Variants in RAB2A observed in about 807,000 individuals in gnomAD.
RAB2A encodes the protein RAB2A, member RAS oncogene family, also known as ras-related protein Rab-2A.
In RAB2A, 7 loss-of-function variants were observed where a neutral mutation model predicts 32.5. That is an observed-to-expected ratio of 0.22 (90% CI 0.12 to 0.40). RAB2A has a LOEUF of 0.40. RAB2A is among the 10% of genes least tolerant of loss of function. The pLI, the probability that RAB2A is intolerant of heterozygous loss-of-function variation, is 1.00. For synonymous variants in RAB2A, 79 were observed against 85.2 expected (o/e 0.93, Z 0.40); for missense variants, 108 against 260.7 (o/e 0.41, Z 4.03).
At chr8:60,593,515 C>G (rs527675566) in intron 6 of RAB2A, among the ~76,000 whole-genome samples, 5 of 152,228 alleles carry the variant, frequency 3.3e-5, no homozygotes, top group African/African-American at 1.2e-4. Flanking sequence ...AGCCAAACAT[C>G]ACAGAAAAAA....
chr8:60,609,661 G>A (rs772801672), intron 6 of RAB2A, among the ~76,000 whole-genome samples: 28 of 152,012 alleles, frequency 1.8e-4, no homozygotes, highest in Non-Finnish European at 4.0e-4. Flanking sequence ...TTTAAAACAT[G>A]AGATTTTAGA....
rs578125066 is a variant in RAB2A, at chr8:60,619,031, A to G, written c.543+383A>G. 4.6e-5 allele frequency: 7 copies of G among 152,378 alleles called. No individual in the cohort carries two copies. The East Asian group carries it at 9.6e-4, about 21-fold the overall frequency. The allele number at this position is 152,378 out of a possible 1,614,324, so 9.4% of individuals were successfully genotyped here. On this transcript the variant is annotated intron_variant, in intron 7 of 7. Coordinates refer to ENST00000262646, the MANE Select transcript of RAB2A (RefSeq NM_002865.3). ...GTTCTGGTATATAAATGCATGTACTATGTACTAATGCAAGATGCTCTCTCT... is the reference window on the plus strand; with the variant it reads ...GTTCTGGTATATAAATGCATGTACTGTGTACTAATGCAAGATGCTCTCTCT...
In RAB2A at chr8:60,597,402, A is replaced by G. The variant is rs572875160; in HGVS notation, c.474+5433A>G. Among the ~76,000 whole-genome samples, 246 of 152,252 alleles carry G rather than the reference A, an allele frequency of 1.6e-3. 7 individuals carry two copies. The highest frequency in any genetic ancestry group is 1.6e-3 in the Non-Finnish European group (110 of 68,010). ...AGTGGGAGTTGAATAATGAGAACAC[A>G]TGGACACAGGGCGGGTAACATCACA... On this transcript the variant is annotated intron_variant, in intron 6 of 7. Coordinates refer to ENST00000262646, the MANE Select transcript of RAB2A (RefSeq NM_002865.3).
intron 6 of RAB2A, among the ~76,000 whole-genome samples, chr8:60,593,582 C>T (rs961822252): frequency 6.6e-6 from 1 of 152,146 alleles, no homozygotes; most frequent in Non-Finnish European, 1.5e-5. Flanking sequence ...CTACCACCAC[C>T]ATTTCCCTTG....
chr8:60,584,535 G>A (rs563096269), intron 4 of RAB2A, among the ~76,000 whole-genome samples, 188 bp from the exon 5 acceptor site: 3 of 152,294 alleles, frequency 2.0e-5, no homozygotes, highest in Admixed American at 1.3e-4. Context: ...TCTAAAGTGT[G>A]ATTACATTTA....
intron 6 of RAB2A, among the ~76,000 whole-genome samples, chr8:60,610,156 A>G (rs1303789980): frequency 6.6e-6 from 1 of 152,020 alleles, no homozygotes; most frequent in South Asian, 2.1e-4. Flanking sequence ...TGAAGTATTT[A>G]TGCTACTGAA....
At chr8:60,587,161 A>C (rs1261439605) in intron 5 of RAB2A, among the ~76,000 whole-genome samples, 3 of 152,278 alleles carry the variant, frequency 2.0e-5, no homozygotes, top group Non-Finnish European at 2.9e-5. Context: ...GTTTGGCATA[A>C]GCAGACATAG....
intron 1 of RAB2A, among the ~76,000 whole-genome samples, chr8:60,543,720 C>G (rs781462425): frequency 6.6e-6 from 1 of 151,998 alleles, no homozygotes; most frequent in Admixed American, 6.6e-5. Context: ...TAATGTACGG[C>G]GAACCAACAG....
intron 6 of RAB2A, among the ~76,000 whole-genome samples, chr8:60,596,949 A>G (rs532036332): frequency 6.6e-6 from 1 of 152,114 alleles, no homozygotes; most frequent in South Asian, 2.1e-4. Flanking sequence ...GAAACAACAG[A>G]TGGTGGAGAG....
intron 6 of RAB2A, among the ~76,000 whole-genome samples, chr8:60,611,151 TG>T (rs1156416204): frequency 1.3e-5 from 2 of 152,208 alleles, no homozygotes; most frequent in Non-Finnish European, 2.9e-5. Flanking sequence ...CTTTCTTTCT[TG>T]GGTCATTGCT....
At chr8:60,606,056 G>A (rs951692920) in intron 6 of RAB2A, among the ~76,000 whole-genome samples, 4 of 152,068 alleles carry the variant, frequency 2.6e-5, no homozygotes, top group Non-Finnish European at 5.9e-5. Flanking sequence ...GGCTGAGACA[G>A]GAGAATTACT....
At chr8:60,582,411 C>G (rs1803776017) in intron 3 of RAB2A, among the ~76,000 whole-genome samples, 1 of 152,176 alleles carries the variant, frequency 6.6e-6, no homozygotes, top group African/African-American at 2.4e-5. Context: ...TTCATTGAAT[C>G]TCAGCACGTT....
At chr8:60,521,619 G>A (rs897952368) in intron 1 of RAB2A, among the ~76,000 whole-genome samples, 5 of 152,058 alleles carry the variant, frequency 3.3e-5, no homozygotes, top group Non-Finnish European at 1.5e-5. Context: ...AAAATTGCAA[G>A]CATTTGTTTC....
At chr8:60,602,180 C>T (rs1461530710) in intron 6 of RAB2A, among the ~76,000 whole-genome samples, 5 of 152,018 alleles carry the variant, frequency 3.3e-5, no homozygotes, top group African/African-American at 1.2e-4. Flanking sequence ...GCCTGGGCAG[C>T]CTGCTCTTAA....
intron 6 of RAB2A, among the ~76,000 whole-genome samples, chr8:60,592,815 T>C (rs953861241): frequency 2.6e-5 from 4 of 152,184 alleles, no homozygotes; most frequent in African/African-American, 9.7e-5. Flanking sequence ...ATACTGTTAT[T>C]TTATAAAAAG....
intron 3 of RAB2A, among the ~76,000 whole-genome samples, chr8:60,582,314 C>CT (rs1047330248): frequency 2.0e-5 from 3 of 152,260 alleles, no homozygotes; most frequent in African/African-American, 7.2e-5. Context: ...TTCTCACTGT[C>CT]TAATTTAGCA....
At chr8:60,540,473 G>GCCTC (rs1431906667) in intron 1 of RAB2A, among the ~76,000 whole-genome samples, 6 of 149,056 alleles carry the variant, frequency 4.0e-5, no homozygotes, top group African/African-American at 1.5e-4. Flanking sequence ...CTGCCTGCCT[G>GCCTC]CCTCCCTCCC....
upstream of RAB2A, chr8:60,516,979 C>T (rs1563455246): frequency 4.7e-6 from 2 of 425,888 alleles, no homozygotes; most frequent in African/African-American, 2.1e-5. Context: ...GGCGCCGCGG[C>T]GGCTGTTATT....
At chr8:60,606,105 C>T (rs1012678329) in intron 6 of RAB2A, among the ~76,000 whole-genome samples, 4 of 152,188 alleles carry the variant, frequency 2.6e-5, no homozygotes, top group Admixed American at 1.3e-4. Flanking sequence ...GCTCAAATTG[C>T]ACCACTGCAC....
Sources: gnomAD v4.1 joint callset for allele counts (sites outside exome capture counted in the v4.1 genomes callset) on GRCh38, gnomAD v4.1.1 for gene constraint, MANE v1.5 for transcripts, NCBI Gene and HGNC (gene_info 2026-07-23, HGNC 2026-07-21) for gene names.